Variants in DGKE observed in about 807,000 individuals in gnomAD.
DGKE encodes DAG kinase epsilon.
Under a neutral mutation model 70.0 loss-of-function variants are expected in DGKE, and 53 were observed. The observed-to-expected ratio is 0.76, with a 90% confidence interval of 0.61 to 0.95. The LOEUF is 0.95. Among genes scored for constraint, DGKE ranks in the 40% least tolerant of loss-of-function variants. The probability of loss-of-function intolerance (pLI) is 0.00; values close to 1 mark genes in which losing one functional copy is unlikely to be tolerated. For missense variants in DGKE, 655 were observed against 706.9 expected (o/e 0.93, Z 0.83); for synonymous variants, 291 against 257.0 (o/e 1.13, Z -1.27).
At position 56,847,975 on chromosome 17, in the gene DGKE, T is replaced by C; in HGVS notation, c.798T>C (p.Leu266=). ...PPIKALQLCT[L]LPYYSARVLV... ...TCAAAGCCCTACAACTCTGTACTCT[T>C]CTCCCATATTATTCAGCTCGAGTAC... Residue 266 remains leucine (L), a synonymous_variant, in exon 5 of 12, where the codon CTT becomes CTC. Coordinates refer to ENST00000284061, the MANE Select transcript of DGKE (RefSeq NM_003647.3). 2 of 1,608,662 alleles carry C rather than the reference T, an allele frequency of 1.2e-6. No homozygotes were observed. The highest frequency in any genetic ancestry group is 2.2e-5 in the South Asian group (2 of 90,002).
In DGKE at chr17:56,858,478, A is replaced by G. The variant is rs942193637; in HGVS notation, c.1213-116A>G. On this transcript the variant is annotated intron_variant, in intron 8 of 11. Coordinates refer to ENST00000284061, the MANE Select transcript of DGKE (RefSeq NM_003647.3). ...TCTTTTCATCAGCATCTAGTCTACC[A>G]TAAGGAGAATGTGTGCTTCAACATT... 4 of 837,646 alleles carry G rather than the reference A, an allele frequency of 4.8e-6. No homozygotes were observed. In the East Asian group the frequency reaches 1.1e-4, roughly 24 times the overall value. The allele number at this position is 837,646 out of a possible 1,614,324, so 51.9% of individuals were successfully genotyped here. A position where few individuals can be genotyped will look rare whatever the true frequency, so the allele number is the denominator to read the frequency against.
Position 56,844,178 on chromosome 17 carries a change from G to T in DGKE, c.624G>T (p.Val208=). 6.7e-7 allele frequency: 1 copy of T among 1,487,624 alleles called. No homozygotes were observed. The highest frequency in any genetic ancestry group is 1.3e-5 in the South Asian group (1 of 75,152). The allele number at this position is 1,487,624 out of a possible 1,614,324, so 92.2% of individuals were successfully genotyped here. A position where few individuals can be genotyped will look rare whatever the true frequency, so the allele number is the denominator to read the frequency against. The change falls in exon 3 of 12, where the codon GTG becomes GTT. Residue 208 remains valine, a splice_region_variant and synonymous_variant. Transcript: ENST00000284061. Reference sequence around the variant, plus strand: ...AAGACAAAAAAACAGATTATGAAGTGGTAATTAGAGTTTATTTCTCTAATA... The same window carrying T: ...AAGACAAAAAAACAGATTATGAAGTTGTAATTAGAGTTTATTTCTCTAATA... ...MRKDKKTDYE[V]LASKLGKQWT...
At position 56,865,200 on chromosome 17, in the gene DGKE, TG is replaced by T. The variant is rs368607278; in HGVS notation, c.*2410del. 60 of 152,320 alleles carry T rather than the reference TG, an allele frequency of 3.9e-4. No individual in the cohort carries two copies. The East Asian group carries it at 0.01, about 25-fold the overall frequency. 9.4% of individuals were successfully genotyped at this position (152,320 alleles called of 1,614,324 possible). A position where few individuals can be genotyped will look rare whatever the true frequency, so the allele number is the denominator to read the frequency against. ...GCAAGTTACATATTAGGGTAGTGAT[TG>T]TTTATATTACCAGGGATTCTACACT... On this transcript the variant is annotated 3_prime_UTR_variant, in exon 12 of 12. Coordinates refer to ENST00000284061, the MANE Select transcript of DGKE (RefSeq NM_003647.3).
chr17:56,848,178 G>A (rs1907425556), intron 5 of DGKE, 113 bp downstream of exon 5: 2 of 714,416 alleles, frequency 2.8e-6, no homozygotes, highest in Non-Finnish European at 3.7e-6. Flanking sequence ...TTTTTCTTGA[G>A]ATACAGTCTC....
At chr17:56,843,891 A>G in intron 2 of DGKE, 128 bp from the exon 3 acceptor site, 1 of 886,106 alleles carries the variant, frequency 1.1e-6, no homozygotes, top group South Asian at 2.3e-5. Context: ...CATATATTTT[A>G]TTTGCCAAAT....
intron 2 of DGKE, 48 bp downstream of exon 2, chr17:56,835,307 C>T (rs1906537028): frequency 6.4e-7 from 1 of 1,551,562 alleles, no homozygotes; most frequent in Non-Finnish European, 8.7e-7. Flanking sequence ...CCGTGGGAAT[C>T]AGGATTTCAT....
At chr17:56,840,206 G>T (rs1906883963) in intron 2 of DGKE, among the ~76,000 whole-genome samples, 1 of 152,158 alleles carries the variant, frequency 6.6e-6, no homozygotes, top group South Asian at 2.1e-4. Flanking sequence ...TGAAATTTAT[G>T]AGAATTTAAT....
chr17:56,861,669 G>C, intron 9 of DGKE, 122 bp from the exon 10 acceptor site: 1 of 1,320,418 alleles, frequency 7.6e-7, no homozygotes, highest in Non-Finnish European at 1.0e-6. Context: ...GAGGTAGGGA[G>C]CATCTTCTAC....
chr17:56,855,904 G>C (rs2144271487), intron 7 of DGKE, among the ~76,000 whole-genome samples: 1 of 151,778 alleles, frequency 6.6e-6, no homozygotes, highest in East Asian at 1.9e-4. Context: ...TACTCAGGAG[G>C]CTGAGGCAGG....
chr17:56,861,435 A>G (rs994067327), intron 9 of DGKE, among the ~76,000 whole-genome samples: 3 of 152,212 alleles, frequency 2.0e-5, no homozygotes, highest in African/African-American at 7.2e-5. Flanking sequence ...TTTCCTGAGA[A>G]GGAACATCCA....
rs750881561 is a variant in DGKE, at chr17:56,862,830, G to A, written c.*39G>A. On this transcript the variant is annotated 3_prime_UTR_variant, in exon 12 of 12. Transcript: ENST00000284061. ...TGAAAACTTTGCATAGAATCCTCAC[G>A]CAAGTAGATACATGTTCATCCAAAA... The A allele has an allele frequency of 3.5e-6, 5 of 1,440,652 alleles. No homozygotes were observed. The highest frequency in any genetic ancestry group is 2.5e-5 in the East Asian group (1 of 39,282). 89.2% of individuals were successfully genotyped at this position (1,440,652 alleles called of 1,614,324 possible).
intron 2 of DGKE, among the ~76,000 whole-genome samples, chr17:56,839,261 C>G (rs1391764872): frequency 6.6e-6 from 1 of 152,034 alleles, no homozygotes; most frequent in Non-Finnish European, 1.5e-5. Flanking sequence ...TTAGGGTATT[C>G]ATTTTGCTAT....
intron 2 of DGKE, chr17:56,835,514 A>T (rs1906556368): frequency 2.0e-6 from 1 of 508,996 alleles, no homozygotes. Context: ...CCTAACGTTA[A>T]TACAGAGGTT....
At chr17:56,836,327 G>A (rs1906618942) in intron 2 of DGKE, 1 of 152,060 alleles carries the variant, frequency 6.6e-6, no homozygotes, top group Non-Finnish European at 1.5e-5. Flanking sequence ...AAGAATAAAT[G>A]TTCAAAATAA....
chr17:56,862,321 T>C (rs1908344166), intron 11 of DGKE, 70 bp downstream of exon 11: 1 of 1,380,106 alleles, frequency 7.2e-7, no homozygotes, highest in East Asian at 2.3e-5. Context: ...ATGTAAAATA[T>C]ACATGCTATA....
chr17:56,851,824 A>G (rs1172336268), intron 7 of DGKE, among the ~76,000 whole-genome samples: 1 of 152,234 alleles, frequency 6.6e-6, no homozygotes, highest in East Asian at 1.9e-4. Context: ...ATTCAGAAAC[A>G]CATACCTCAA....
chr17:56,864,457 TA>T lies in DGKE; in HGVS notation c.*1669del. The T allele has an allele frequency of 6.6e-6, 1 of 152,226 alleles. No individual in the cohort carries two copies. Among genetic ancestry groups the T allele is most frequent in the East Asian group, 1.9e-4 (1 of 5,202 alleles). The allele number at this position is 152,226 out of a possible 1,614,324, so 9.4% of individuals were successfully genotyped here. A position where few individuals can be genotyped will look rare whatever the true frequency, so the allele number is the denominator to read the frequency against. On this transcript the variant is annotated 3_prime_UTR_variant, in exon 12 of 12. Transcript: ENST00000284061. ...CATTTTATGAAATACTCTATTTTGC[TA>T]AATTAACCTCTTGCAGATCTCCTCA...
chr17:56,861,019 G>A (rs750333243), intron 9 of DGKE, among the ~76,000 whole-genome samples: 4 of 152,360 alleles, frequency 2.6e-5, no homozygotes, highest in African/African-American at 4.8e-5. Flanking sequence ...CAACCGCTCT[G>A]TGAGGGATGC....
At chr17:56,858,746 C>G in intron 9 of DGKE, 81 bp downstream of exon 9, 5 of 1,088,686 alleles carry the variant, frequency 4.6e-6, no homozygotes, top group Non-Finnish European at 6.6e-6. Context: ...AAATGCTAAA[C>G]TTTGTTAATA....
Sources: gnomAD v4.1 joint callset for allele counts (sites outside exome capture counted in the v4.1 genomes callset) on GRCh38, gnomAD v4.1.1 for gene constraint, MANE v1.5 for transcripts, NCBI Gene and HGNC (gene_info 2026-07-23, HGNC 2026-07-21) for gene names.